ADGRA3: variants seen among roughly 807,000 people sequenced by gnomAD.
ADGRA3 encodes G-protein coupled receptor 125.
ADGRA3 carries 56 observed loss-of-function variants against 119.8 expected under a neutral mutation model. The observed-to-expected ratio is 0.47, with a 90% CI of 0.38 to 0.58. The LOEUF (loss-of-function observed/expected upper bound fraction) is 0.58, where lower values mean the gene tolerates loss of function less well. Ranked by LOEUF, ADGRA3 falls within the 20% of genes least tolerant of loss-of-function variation. The pLI is 0.00. For missense variants in ADGRA3, 1,516 were observed against 1,649.0 expected, an observed-to-expected ratio of 0.92 and a Z score of 1.40; for synonymous variants, 607 against 623.8, an observed-to-expected ratio of 0.97 and a Z score of 0.40.
Position 22,388,760 on chromosome 4 carries a change from T to C in ADGRA3, c.2911A>G (p.Asn971Asp), listed in dbSNP as rs535821659. The change falls in exon 19 of 19, where the codon AAT (asparagine) becomes GAT (aspartate). Residue 971 changes from asparagine (N) to aspartate (D), a missense_variant. This residue lies in a region of ADGRA3 where 1,088 missense variants were observed against 1,107.1 expected (regional missense o/e 0.98). Coordinates refer to ENST00000334304, the MANE Select transcript of ADGRA3 (RefSeq NM_145290.4). ...GACAAAGACATTGAATCCTGATGAT[T>C]TATTTCGCCATTTTCATTGGCTGCC... is the stretch of plus-strand genomic sequence containing the variant. ...RLAANENGEI[N>D]HQDSMSLSLI... is the part of the protein sequence containing the mutation. 6 of 1,614,058 alleles carry C rather than the reference T, an allele frequency of 3.7e-6. No homozygotes were observed. The highest frequency in any genetic ancestry group is 5.1e-6 in the Non-Finnish European group (6 of 1,179,966).
intron 1 of ADGRA3, among the ~76,000 whole-genome samples, chr4:22,490,396 G>C (rs1227272206): frequency 6.6e-6 from 1 of 152,088 alleles, no homozygotes; most frequent in African/African-American, 2.4e-5. Context: ...CATTTTATTT[G>C]GCATTTTAAT....
chr4:22,444,898 T>TA, intron 6 of ADGRA3, 75 bp downstream of exon 6: 3 of 1,449,878 alleles, frequency 2.1e-6, no homozygotes, highest in Non-Finnish European at 1.9e-6. Flanking sequence ...AAGAGAATCT[T>TA]ACAATTTGTC....
chr4:22,435,624 A>C (rs1381984191), intron 9 of ADGRA3, among the ~76,000 whole-genome samples, 158 bp from the exon 10 acceptor site: 1 of 152,196 alleles, frequency 6.6e-6, no homozygotes, highest in Non-Finnish European at 1.5e-5. Flanking sequence ...AACCCAAGAA[A>C]ACTGGAATTT....
At chr4:22,425,352 C>G (rs543612479) in intron 10 of ADGRA3, among the ~76,000 whole-genome samples, 40 of 152,204 alleles carry the variant, frequency 2.6e-4, no homozygotes, top group African/African-American at 9.1e-4. Context: ...TCTTTTTATT[C>G]GCTCACTTCG....
At chr4:22,484,645 T>A (rs1161474816) in intron 1 of ADGRA3, among the ~76,000 whole-genome samples, 1 of 138,900 alleles carries the variant, frequency 7.2e-6, no homozygotes, top group Non-Finnish European at 1.6e-5. Context: ...TGTACTAAAA[T>A]GATACCATGC....
intron 16 of ADGRA3, 46 bp from the exon 17 acceptor site, chr4:22,392,736 A>T (rs769386111): frequency 1.3e-6 from 2 of 1,552,836 alleles, no homozygotes. Context: ...AAATGTTCCT[A>T]CTAAGGCTTA....
intron 14 of ADGRA3, among the ~76,000 whole-genome samples, chr4:22,409,375 T>C (rs1457782674): frequency 6.6e-6 from 1 of 152,120 alleles, no homozygotes; most frequent in Non-Finnish European, 1.5e-5. Context: ...TATTCAGAGA[T>C]AAGAAAGAAT....
intron 1 of ADGRA3, among the ~76,000 whole-genome samples, chr4:22,482,931 G>A (rs987897345): frequency 3.2e-4 from 49 of 152,274 alleles, no homozygotes; most frequent in Admixed American, 2.8e-3. Flanking sequence ...ATCTGCCTCC[G>A]TCAATTTTCA....
chr4:22,396,368 C>T (rs530540501), intron 16 of ADGRA3, among the ~76,000 whole-genome samples: 2 of 152,198 alleles, frequency 1.3e-5, no homozygotes, highest in Admixed American at 6.5e-5. Flanking sequence ...TATGTAAGCT[C>T]GCAAAGGGAA....
At position 22,401,498 on chromosome 4, in the gene ADGRA3, A is replaced by G. The variant is rs779674920; in HGVS notation, c.2414T>C (p.Ile805Thr). 1.9e-6 allele frequency: 3 copies of G among 1,611,788 alleles called. No homozygotes were observed. The South Asian group carries it at 3.3e-5, about 18-fold the overall frequency. ...CACAAAGACCACACAGGTTAGGAAA[A>G]TATGAAAGCACAAGTTCACAAGCAT... The part of the protein sequence containing the change: ...WHMLVNLCFH[I>T]FLTCVVFVGG... The change falls in exon 16 of 19, where the codon ATT becomes ACT. Residue 805 changes from isoleucine (I) to threonine (T), a missense_variant. Coordinates refer to ENST00000334304, the MANE Select transcript of ADGRA3 (RefSeq NM_145290.4).
intron 1 of ADGRA3, among the ~76,000 whole-genome samples, chr4:22,498,554 G>T (rs549733603): frequency 1.3e-5 from 2 of 151,906 alleles, no homozygotes; most frequent in African/African-American, 2.4e-5. Flanking sequence ...GAAGGCGGAG[G>T]TTGTAGTAAG....
At chr4:22,479,932 G>T (rs564348293) in intron 1 of ADGRA3, among the ~76,000 whole-genome samples, 1 of 152,262 alleles carries the variant, frequency 6.6e-6, no homozygotes, top group Non-Finnish European at 1.5e-5. Flanking sequence ...ACTTATAAGT[G>T]GGAGTTGAAC....
rs774369733 is a variant in ADGRA3, at chr4:22,402,786, G to A, written c.2246C>T (p.Ser749Phe). 1 of 1,611,474 alleles carries A rather than the reference G, an allele frequency of 6.2e-7. No individual in the cohort carries two copies. Among genetic ancestry groups the A allele is most frequent in the Admixed American group, 1.7e-5 (1 of 59,382 alleles). Residue 749 changes from serine (S) to phenylalanine (F), a missense_variant, in exon 15 of 19, where the codon TCT becomes TTT. Around this residue, in one of 2 missense-constraint regions of ADGRA3, gnomAD observed 1,088 missense variants for 1,107.1 expected, o/e 0.98. Transcript: ENST00000334304. ...NYAVLMDLTG[S>F]ELYTQAASLL... is the part of the protein sequence containing the mutation. ...GCTGGCCGCCTGGGTGTATAGTTCA[G>A]ATCCCGTCAAATCCTGAGGGCAAAA...
chr4:22,408,818 AG>A (rs2109017254), intron 14 of ADGRA3, among the ~76,000 whole-genome samples: 1 of 152,328 alleles, frequency 6.6e-6, no homozygotes, highest in South Asian at 2.1e-4. Context: ...CATATACATG[AG>A]TACTCACAGC....
At chr4:22,420,789 A>G in intron 12 of ADGRA3, 97 bp downstream of exon 12, 1 of 1,227,824 alleles carries the variant, frequency 8.1e-7, no homozygotes, top group Non-Finnish European at 1.2e-6. Context: ...TCCTGCAAAA[A>G]AAAAATCTTT....
In ADGRA3 at chr4:22,442,764, A is replaced by C; in HGVS notation, c.806T>G (p.Ile269Ser). Residue 269 changes from isoleucine (I) to serine (S), a missense_variant, in exon 7 of 19, where the codon ATT becomes AGT. Physicochemically the swap from Ile to Ser is moderately radical, Grantham distance 142. Around this residue, in one of 2 missense-constraint regions of ADGRA3, gnomAD observed 428 missense variants for 541.9 expected, o/e 0.79. Transcript: ENST00000334304. The stretch of plus-strand genomic sequence containing the variant: ...CCACAACACTTGCATGTCCTGATCA[A>C]TATATGAAGCCATGCACTGGAAAGG... The part of the protein sequence containing the change: ...SLPFQCMASY[I>S]DQDMQVLWYQ... 1 of 1,611,778 alleles carries C rather than the reference A, an allele frequency of 6.2e-7. No individual in the cohort carries two copies. Among genetic ancestry groups the C allele is most frequent in the Non-Finnish European group, 8.5e-7 (1 of 1,178,030 alleles).
At chr4:22,413,086 A>AC (rs955261517) in intron 14 of ADGRA3, 96 bp downstream of exon 14, 21 of 948,086 alleles carry the variant, frequency 2.2e-5, no homozygotes, top group Middle Eastern at 6.2e-4. Flanking sequence ...AAAAAAAAAA[A>AC]AAAAACAAAA....
At chr4:22,443,006 C>A in intron 6 of ADGRA3, 143 bp from the exon 7 acceptor site, 1 of 700,028 alleles carries the variant, frequency 1.4e-6, no homozygotes, top group Non-Finnish European at 2.5e-6. Context: ...TAGTATCAAC[C>A]AGGCTGCTAC....
intron 1 of ADGRA3, among the ~76,000 whole-genome samples, chr4:22,512,543 T>G (rs1560355340): frequency 6.6e-6 from 1 of 152,152 alleles, no homozygotes; most frequent in African/African-American, 2.4e-5. Context: ...TGGGATGAGA[T>G]CATCCTGGAC....
Sources: allele counts gnomAD v4.1 joint callset (sites outside exome capture counted in the v4.1 genomes callset), GRCh38; gene constraint gnomAD v4.1.1; regional missense constraint gnomAD v4.1.1; transcripts MANE v1.5; gene names NCBI Gene and HGNC (gene_info 2026-07-23, HGNC 2026-07-21).